Variants in MYH15 observed in about 807,000 individuals in gnomAD.
The protein encoded by MYH15 is myosin heavy chain 15, also known as myosin-15.
MYH15 carries 227 observed loss-of-function variants against 240.5 expected under a neutral mutation model. The observed-to-expected ratio is 0.94, with a 90% CI of 0.85 to 1.05. The LOEUF is 1.05. MYH15 is among the 50% of genes least tolerant of loss of function. MYH15 has a pLI of 0.00. For missense variants in MYH15, 2,217 were observed against 2,247.5 expected, an observed-to-expected ratio of 0.99 and a Z score of 0.27; for synonymous variants, 785 against 796.7, an observed-to-expected ratio of 0.99 and a Z score of 0.25.
At chr3:108,426,042 C>T (rs1459320460) in intron 27 of MYH15, among the ~76,000 whole-genome samples, 2 of 151,920 alleles carry the variant, frequency 1.3e-5, no homozygotes, top group Non-Finnish European at 2.9e-5. Context: ...GGAAGAAATC[C>T]TTAAAGAAAG....
intron 1 of MYH15, among the ~76,000 whole-genome samples, chr3:108,508,094 A>C (rs894939102): frequency 6.6e-6 from 1 of 151,944 alleles, no homozygotes. Flanking sequence ...TACAATAATG[A>C]CTCTAGAAAT....
intron 1 of MYH15, among the ~76,000 whole-genome samples, chr3:108,516,147 G>T (rs2083570833): frequency 6.6e-6 from 1 of 152,162 alleles, no homozygotes; most frequent in Non-Finnish European, 1.5e-5. Context: ...CTCTTTTCAT[G>T]TTAGCAGTCC....
chr3:108,439,053 G>GA (rs113630582), intron 24 of MYH15, among the ~76,000 whole-genome samples: 168 of 141,394 alleles, frequency 1.2e-3, no homozygotes, highest in Admixed American at 1.0e-3. Context: ...CAGATAAGAA[G>GA]AAAAAAAAAA....
At chr3:108,389,126 C>G (rs377693825) in intron 37 of MYH15, 52 bp from the exon 38 acceptor site, 1 of 1,497,788 alleles carries the variant, frequency 6.7e-7, no homozygotes, top group Non-Finnish European at 9.3e-7. Context: ...GTCTGGCATT[C>G]TATTTGCTGA....
At chr3:108,444,120 A>G (rs1338371140) in intron 22 of MYH15, among the ~76,000 whole-genome samples, 1 of 151,630 alleles carries the variant, frequency 6.6e-6, no homozygotes, top group Non-Finnish European at 1.5e-5. Flanking sequence ...CATATTGTGC[A>G]CATGTACCCT....
chr3:108,508,542 A>T (rs148475407), intron 1 of MYH15, among the ~76,000 whole-genome samples: 8 of 152,296 alleles, frequency 5.3e-5, no homozygotes, highest in African/African-American at 1.7e-4. Flanking sequence ...CATTTTTTAG[A>T]CAATTAAATA....
chr3:108,434,772 T>G (rs2082817482), intron 25 of MYH15, among the ~76,000 whole-genome samples: 1 of 152,208 alleles, frequency 6.6e-6, no homozygotes, highest in African/African-American at 2.4e-5. Context: ...GAGTGGACAC[T>G]GAGCAGGAAA....
Position 108,381,023 on chromosome 3 carries a change from G to T in MYH15, c.*522C>A. The T allele has an allele frequency of 6.4e-6, 1 of 156,488 alleles. No homozygotes were observed. The highest frequency in any genetic ancestry group is 2.0e-4 in the South Asian group (1 of 5,100). 9.7% of individuals were successfully genotyped at this position (156,488 alleles called of 1,614,324 possible). ...AGAGTTTTGCCTACATGTTCAAATT[G>T]CCTAACTATAGCTATATTTATATCA... On this transcript the variant is annotated 3_prime_UTR_variant, in exon 41 of 41. Coordinates refer to ENST00000693548, the MANE Select transcript of MYH15 (RefSeq NM_014981.3).
chr3:108,464,627 A>G lies in MYH15; in HGVS notation c.1731+11T>C, dbSNP rs776576641. ...GGAAAATTCAAGACCGGGGGTCCAG[A>G]GGTAACTCACCACTCCTGCATAATG... On this transcript the variant is annotated intron_variant, in intron 15 of 40. Coordinates refer to ENST00000693548, the MANE Select transcript of MYH15 (RefSeq NM_014981.3). The G allele has an allele frequency of 1.9e-6, 3 of 1,597,884 alleles. No homozygotes were observed. The highest frequency in any genetic ancestry group is 2.6e-6 in the Non-Finnish European group (3 of 1,173,482).
chr3:108,505,872 C>T (rs928488637), intron 1 of MYH15, 43 bp from the exon 2 acceptor site: 1 of 1,314,862 alleles, frequency 7.6e-7, no homozygotes, highest in Admixed American at 1.8e-5. Flanking sequence ...AGCTATAGTA[C>T]TTACAGAAAT....
At chr3:108,503,304 G>A (rs2083452073) in intron 2 of MYH15, among the ~76,000 whole-genome samples, 1 of 152,180 alleles carries the variant, frequency 6.6e-6, no homozygotes, top group Non-Finnish European at 1.5e-5. Flanking sequence ...GTGCTCAGAA[G>A]AGCAAGCCTC....
intron 19 of MYH15, among the ~76,000 whole-genome samples, chr3:108,456,322 T>C (rs2083019172): frequency 6.6e-6 from 1 of 152,182 alleles, no homozygotes; most frequent in South Asian, 2.1e-4. Flanking sequence ...ATTGATTTGA[T>C]GACCTATAAT....
At chr3:108,486,329 C>A in intron 10 of MYH15, 94 bp downstream of exon 10, 1 of 1,025,382 alleles carries the variant, frequency 9.8e-7, no homozygotes, top group Non-Finnish European at 1.4e-6. Context: ...AGCAAGACCA[C>A]TTCTCTGGGT....
the MYH15 span, among the ~76,000 whole-genome samples, chr3:108,546,291 CT>C: frequency 6.6e-6 from 1 of 152,010 alleles, no homozygotes; most frequent in Non-Finnish European, 1.5e-5. Context: ...AATCATAAGC[CT>C]TTTTATTTGA....
chr3:108,437,848 A>C, intron 24 of MYH15, 149 bp from the exon 25 acceptor site: 1 of 785,198 alleles, frequency 1.3e-6, no homozygotes. Flanking sequence ...TTTCCAAATA[A>C]ATATTGCATA....
intron 30 of MYH15, among the ~76,000 whole-genome samples, chr3:108,412,065 C>T (rs1034494369): frequency 4.5e-4 from 68 of 152,162 alleles, no homozygotes; most frequent in African/African-American, 1.6e-3. Flanking sequence ...TTTAGAAATG[C>T]TTGTTGATAA....
At position 108,455,749 on chromosome 3, in the gene MYH15, A is replaced by G. The variant is rs1305724527; in HGVS notation, c.2249T>C (p.Phe750Ser). 1.2e-6 allele frequency: 2 copies of G among 1,613,716 alleles called. No homozygotes were observed. Among genetic ancestry groups the G allele is most frequent in the African/African-American group, 2.7e-5 (2 of 74,902 alleles). Residue 750 changes from phenylalanine (F) to serine (S), a missense_variant, in exon 20 of 41, where the codon TTT becomes TCT. Transcript: ENST00000693548. ...SLEIDHTQYR[F>S]GITKVFFKAG... ...TTTTCTGGTTACCTTAGTGATTCCA[A>G]ATCGGTACTGGGTATGGTCTATCTC...
the MYH15 span, among the ~76,000 whole-genome samples, chr3:108,539,068 GC>G: frequency 2.6e-5 from 4 of 152,010 alleles, no homozygotes; most frequent in Non-Finnish European, 4.4e-5. Context: ...TTTTTATTAG[GC>G]CCCACCTCCC....
chr3:108,470,576 G>C, intron 13 of MYH15, 122 bp downstream of exon 13: 1 of 873,592 alleles, frequency 1.1e-6, no homozygotes, highest in African/African-American at 1.7e-5. Context: ...TCCAAACAAG[G>C]TAGCCCTTAA....
Sources: gnomAD v4.1 joint callset for allele counts (sites outside exome capture counted in the v4.1 genomes callset) on GRCh38, gnomAD v4.1.1 for gene constraint, MANE v1.5 for transcripts, NCBI Gene and HGNC (gene_info 2026-07-23, HGNC 2026-07-21) for gene names.